Variants in DCAF6 observed in about 807,000 individuals in gnomAD.
DCAF6 encodes the protein DDB1- and CUL4-associated factor 6.
DCAF6 carries 54 observed loss-of-function variants against 125.1 expected under a neutral mutation model. That is an observed-to-expected ratio of 0.43 (90% confidence interval 0.35 to 0.54). DCAF6 has a LOEUF of 0.54. DCAF6 is among the 20% of genes least tolerant of loss of function. The probability of loss-of-function intolerance (pLI) is 0.01; values close to 1 mark genes in which losing one functional copy is unlikely to be tolerated. For missense variants in DCAF6, 934 were observed against 1,161.7 expected, an observed-to-expected ratio of 0.80 and a Z score of 2.85; for synonymous variants, 371 against 390.4, an observed-to-expected ratio of 0.95 and a Z score of 0.58.
In DCAF6 at chr1:168,009,397, TTCTTTCTC is replaced by T. The variant is rs1683907236; in HGVS notation, c.1378+4608_1378+4615del. 4.3e-5 allele frequency among the ~76,000 whole-genome samples: 6 copies of T among 140,640 alleles called. No individual in the cohort carries two copies. The South Asian group carries it at 1.4e-3, about 32-fold the overall frequency. 92.3% of individuals were successfully genotyped at this position (140,640 alleles called of 152,430 possible). On this transcript the variant is annotated intron_variant, in intron 10 of 21. Coordinates refer to ENST00000367840, the MANE Select transcript of DCAF6 (RefSeq NM_001198956.2). ...TTCCTTCCTTCCTTCCTTTCTTTCTTTCTTTCTCTCTCTCTCTTTTGTTTCTTTCTGTC... is the reference window on the plus strand; with the variant it reads ...TTCCTTCCTTCCTTCCTTTCTTTCTTTCTCTCTCTTTTGTTTCTTTCTGTC...
chr1:167,943,431 C>T (rs1177074688), intron 1 of DCAF6, among the ~76,000 whole-genome samples: 1 of 152,116 alleles, frequency 6.6e-6, no homozygotes, highest in African/African-American at 2.4e-5. Flanking sequence ...CTTTGATTCT[C>T]TCAGCAGTGA....
intron 1 of DCAF6, among the ~76,000 whole-genome samples, chr1:167,941,194 G>A (rs973049865): frequency 2.6e-5 from 4 of 152,134 alleles, no homozygotes; most frequent in African/African-American, 9.7e-5. Context: ...TTCAGTGAAA[G>A]CTGAAAAATG....
intron 18 of DCAF6, among the ~76,000 whole-genome samples, chr1:168,064,685 G>A (rs1016518677): frequency 1.3e-5 from 2 of 152,162 alleles, no homozygotes; most frequent in Admixed American, 6.5e-5. Flanking sequence ...AGAGGAAGGA[G>A]TGAGAAAAGA....
At chr1:167,900,682 G>A in the DCAF6 span, among the ~76,000 whole-genome samples, 3 of 151,996 alleles carry the variant, frequency 2.0e-5, no homozygotes, top group Non-Finnish European at 2.9e-5. Flanking sequence ...ACAGGCACCC[G>A]CCATCACGCC....
chr1:167,905,591 T>C, the DCAF6 span, among the ~76,000 whole-genome samples: 1 of 148,648 alleles, frequency 6.7e-6, no homozygotes, highest in African/African-American at 2.6e-5. Flanking sequence ...TTTACTTTTT[T>C]CTCTCTTTAA....
chr1:168,033,508 G>A (rs910694953), intron 12 of DCAF6, among the ~76,000 whole-genome samples: 10 of 151,452 alleles, frequency 6.6e-5, no homozygotes, highest in Non-Finnish European at 1.0e-4. Flanking sequence ...TAGTAGAGAC[G>A]GGGTTTCACC....
At chr1:167,901,746 C>G in the DCAF6 span, 5 of 1,614,208 alleles carry the variant, frequency 3.1e-6, no homozygotes, top group Non-Finnish European at 4.2e-6. Context: ...TTAATTACCA[C>G]TGTGATAATG....
chr1:168,052,924 A>G (rs371091382), intron 17 of DCAF6, among the ~76,000 whole-genome samples: 15 of 152,316 alleles, frequency 9.8e-5, no homozygotes, highest in South Asian at 2.1e-4. Flanking sequence ...TGCCTGGTAT[A>G]TAGGGCACTT....
chr1:168,066,487 C>T (rs1350134112), intron 20 of DCAF6, 22 bp downstream of exon 20: 10 of 1,437,010 alleles, frequency 7.0e-6, no homozygotes, highest in Non-Finnish European at 9.7e-6. Context: ...ATTGTACTTA[C>T]TATAGACCAT....
the DCAF6 span, among the ~76,000 whole-genome samples, chr1:167,877,783 C>T: frequency 6.6e-6 from 1 of 152,084 alleles, no homozygotes; most frequent in Non-Finnish European, 1.5e-5. Context: ...TCTATGAATC[C>T]CTCGAGCTGG....
intron 2 of DCAF6, among the ~76,000 whole-genome samples, chr1:167,955,944 A>G (rs902343090): frequency 1.3e-5 from 2 of 152,104 alleles, no homozygotes; most frequent in African/African-American, 2.4e-5. Flanking sequence ...TGTTTTTTGT[A>G]GAGGTGGGGT....
intron 1 of DCAF6, among the ~76,000 whole-genome samples, chr1:167,944,093 C>T (rs760090675): frequency 6.6e-6 from 1 of 152,128 alleles, no homozygotes; most frequent in Non-Finnish European, 1.5e-5. Flanking sequence ...CTGCCCGCCT[C>T]GGCCTCCCAA....
chr1:167,958,156 A>G (rs138744694), intron 2 of DCAF6, among the ~76,000 whole-genome samples: 1 of 152,174 alleles, frequency 6.6e-6, no homozygotes, highest in East Asian at 1.9e-4. Context: ...GGTGAAGTCT[A>G]ATTTCTTTTT....
At chr1:168,022,868 C>A in intron 11 of DCAF6, 120 bp from the exon 12 acceptor site, 1 of 853,172 alleles carries the variant, frequency 1.2e-6, no homozygotes, top group Non-Finnish European at 1.9e-6. Flanking sequence ...AATCACACCA[C>A]AGTACTTACT....
the DCAF6 span, chr1:167,918,281 G>C: frequency 2.7e-6 from 4 of 1,491,274 alleles, no homozygotes; most frequent in East Asian, 9.2e-5. Context: ...GGTCCCAATG[G>C]TTTTGTCCAC....
chr1:167,881,834 A>G, the DCAF6 span, among the ~76,000 whole-genome samples: 4 of 152,108 alleles, frequency 2.6e-5, no homozygotes, highest in East Asian at 7.7e-4. Flanking sequence ...TAGATTCTAC[A>G]CTCTTTTCTT....
chr1:167,922,527 A>T, the DCAF6 span, among the ~76,000 whole-genome samples: 1 of 152,068 alleles, frequency 6.6e-6, no homozygotes, highest in African/African-American at 2.4e-5. Context: ...GTAGGGAGAG[A>T]AGAAGGAAAT....
At chr1:167,996,997 A>G (rs1681819427) in intron 7 of DCAF6, among the ~76,000 whole-genome samples, 2 of 151,664 alleles carry the variant, frequency 1.3e-5, no homozygotes, top group African/African-American at 4.9e-5. Flanking sequence ...TTTTCATTTC[A>G]TGTGTTGTTT....
chr1:167,911,765 C>G, the DCAF6 span, among the ~76,000 whole-genome samples: 1 of 152,246 alleles, frequency 6.6e-6, no homozygotes, highest in East Asian at 1.9e-4. Context: ...CATTGGAGAA[C>G]AAGCGTTTCA....
Sources: gnomAD v4.1 joint callset for allele counts (sites outside exome capture counted in the v4.1 genomes callset) on GRCh38, gnomAD v4.1.1 for gene constraint, MANE v1.5 for transcripts, NCBI Gene and HGNC (gene_info 2026-07-23, HGNC 2026-07-21) for gene names.